The following NDST3 variants were observed in gnomAD, a reference collection of about 807,000 sequenced individuals.
NDST3 encodes N-deacetylase and N-sulfotransferase 3.
A neutral mutation model predicts 96.1 loss-of-function variants in NDST3; 58 were observed. The observed-to-expected ratio is 0.60, with a 90% CI of 0.49 to 0.75. NDST3 has a LOEUF of 0.75. NDST3 is among the 30% of genes least tolerant of loss of function. The probability of loss-of-function intolerance (pLI) is 0.00; values close to 1 mark genes in which losing one functional copy is unlikely to be tolerated. For synonymous variants in NDST3, 333 were observed against 359.7 expected, an observed-to-expected ratio of 0.93 and a Z score of 0.84; for missense variants, 788 against 1,034.2, an observed-to-expected ratio of 0.76 and a Z score of 3.27.
rs1043500414 is a variant in NDST3 at position 118,142,670 on chromosome 4, C to T, written c.1411-886C>T. 2.6e-5 allele frequency among the ~76,000 whole-genome samples: 4 copies of T among 152,092 alleles called. No homozygotes were observed. In the East Asian group the frequency reaches 7.7e-4, roughly 29 times the overall value. On this transcript the variant is annotated intron_variant, in intron 5 of 13. Coordinates refer to ENST00000296499, the MANE Select transcript of NDST3 (RefSeq NM_004784.3). ...CATTTGTAGCTCTCTGAAGTATACT[C>T]ATTAATGTTCTGCTACTTCAAATGT...
intron 2 of NDST3, among the ~76,000 whole-genome samples, chr4:118,086,995 G>A (rs1470870609): frequency 6.6e-6 from 1 of 152,078 alleles, no homozygotes; most frequent in African/African-American, 2.4e-5. Flanking sequence ...TGAATTGAAA[G>A]ATTTGCCTAG....
chr4:118,180,138 T>C (rs11726838), intron 6 of NDST3, among the ~76,000 whole-genome samples: 17,320 of 152,132 alleles, frequency 0.11, 1,324 homozygotes, highest in South Asian at 0.2. Context: ...GGGATATATG[T>C]ACAAGTTTGT....
chr4:118,245,311 T>C (rs1248260090), intron 12 of NDST3, among the ~76,000 whole-genome samples: 2 of 152,234 alleles, frequency 1.3e-5, no homozygotes, highest in African/African-American at 4.8e-5. Flanking sequence ...AGTTAACCTA[T>C]TTGTCAAGAT....
intron 2 of NDST3, among the ~76,000 whole-genome samples, chr4:118,102,132 TTTAA>T (rs1161062100): frequency 6.6e-6 from 1 of 152,090 alleles, no homozygotes; most frequent in Non-Finnish European, 1.5e-5. Context: ...TATTAGTGAT[TTTAA>T]TTATTTTTAA....
rs1038541527 is a variant in NDST3, at chr4:118,233,038, G to C, written c.1846G>C (p.Val616Leu). 6.2e-7 allele frequency: 1 copy of C among 1,613,130 alleles called. No homozygotes were observed. Among genetic ancestry groups the C allele is most frequent in the Non-Finnish European group, 8.5e-7 (1 of 1,179,442 alleles). ...TACCACTGCTTTGTATTTGTTCCTG[G>C]TTATGCATCCTTCCATCCTTAGTAA... ...TGTTALYLFL[V>L]MHPSILSNSP... The change falls in exon 9 of 14, where the codon GTT (valine) becomes CTT (leucine). Residue 616 changes from valine to leucine, a missense_variant. Around this residue, in one of 3 missense-constraint regions of NDST3, gnomAD observed 490 missense variants for 708.8 expected, o/e 0.69. Coordinates refer to ENST00000296499, the MANE Select transcript of NDST3 (RefSeq NM_004784.3).
chr4:118,178,842 C>T (rs1437731240), intron 6 of NDST3, among the ~76,000 whole-genome samples: 2 of 152,038 alleles, frequency 1.3e-5, no homozygotes, highest in Admixed American at 6.6e-5. Context: ...CTTGCCAACA[C>T]ATTATTTCCT....
At chr4:118,108,077 T>C (rs6825105) in intron 3 of NDST3, among the ~76,000 whole-genome samples, 128,700 of 152,152 alleles carry the variant, frequency 0.85, 56,231 homozygotes, top group South Asian at 0.96. Flanking sequence ...CAGGGTAACT[T>C]CCATTTATAA....
intron 6 of NDST3, among the ~76,000 whole-genome samples, chr4:118,164,620 G>A (rs1161530544): frequency 6.6e-6 from 1 of 152,100 alleles, no homozygotes; most frequent in Non-Finnish European, 1.5e-5. Context: ...CTAGGCAGCA[G>A]CAGAAATTAT....
intron 6 of NDST3, among the ~76,000 whole-genome samples, chr4:118,220,894 G>A (rs190055842): frequency 1.3e-5 from 2 of 152,148 alleles, no homozygotes; most frequent in East Asian, 3.9e-4. Flanking sequence ...CAATGGGTTT[G>A]ATAACCTGAG....
intron 6 of NDST3, among the ~76,000 whole-genome samples, chr4:118,180,215 A>C (rs546264119): frequency 1.3e-5 from 2 of 152,202 alleles, no homozygotes; most frequent in South Asian, 4.1e-4. Context: ...GGTACTGAGA[A>C]TAGGACCCAA....
chr4:118,222,030 G>A (rs1739581717), intron 6 of NDST3, among the ~76,000 whole-genome samples: 2 of 149,966 alleles, frequency 1.3e-5, no homozygotes, highest in Admixed American at 1.3e-4. Flanking sequence ...CAGTCCTGAA[G>A]CACTCTTAAA....
chr4:118,060,129 G>A (rs1010263280), intron 2 of NDST3, among the ~76,000 whole-genome samples: 3 of 151,860 alleles, frequency 2.0e-5, no homozygotes, highest in African/African-American at 2.4e-5. Context: ...CTTTTTTGGG[G>A]GGTGAGGGAA....
At chr4:118,249,736 A>ACAC (rs1411828022) in intron 12 of NDST3, among the ~76,000 whole-genome samples, 1 of 151,304 alleles carries the variant, frequency 6.6e-6, no homozygotes, top group Non-Finnish European at 1.5e-5. Flanking sequence ...CCACATACAC[A>ACAC]CACACACACA....
intron 13 of NDST3, among the ~76,000 whole-genome samples, chr4:118,254,658 T>C (rs1217606233): frequency 2.0e-5 from 3 of 152,226 alleles, no homozygotes; most frequent in Non-Finnish European, 4.4e-5. Context: ...GATTTTGATT[T>C]GTAAATTTTT....
At chr4:118,060,015 T>C (rs183527396) in intron 2 of NDST3, among the ~76,000 whole-genome samples, 11 of 152,236 alleles carry the variant, frequency 7.2e-5, no homozygotes, top group Admixed American at 3.9e-4. Flanking sequence ...TATAACTGGA[T>C]ACAGTATGCC....
At position 118,224,492 on chromosome 4, in the gene NDST3, T is replaced by C; in HGVS notation, c.1541T>C (p.Ile514Thr). The change falls in exon 7 of 14, where the codon ATC becomes ACC. Residue 514 changes from isoleucine to threonine, a missense_variant and splice_region_variant. By Grantham distance (89) the Ile-to-Thr change is moderately conservative. This residue lies in a region of NDST3 where 490 missense variants were observed against 708.8 expected (regional missense o/e 0.69). Transcript: ENST00000296499. ...CTGAAGTTCATTTGCTTTTTTCAGA[T>C]CAGCATTTTCATGACCCATTTGTCC... is the stretch of plus-strand genomic sequence containing the variant. ...ELFFTVVLNP[I>T]SIFMTHLSNY... 1 of 1,599,626 alleles carries C rather than the reference T, an allele frequency of 6.3e-7. No homozygotes were observed. The highest frequency in any genetic ancestry group is 2.2e-5 in the East Asian group (1 of 44,542).
intron 1 of NDST3, among the ~76,000 whole-genome samples, chr4:118,045,473 A>G (rs1377899206): frequency 1.3e-5 from 2 of 152,168 alleles, no homozygotes; most frequent in Non-Finnish European, 2.9e-5. Flanking sequence ...CTACCCCATA[A>G]ATGTTTGAAT....
intron 2 of NDST3, among the ~76,000 whole-genome samples, chr4:118,058,935 T>C (rs1446843123): frequency 6.6e-6 from 1 of 152,082 alleles, no homozygotes; most frequent in Non-Finnish European, 1.5e-5. Context: ...CCATTTCATA[T>C]AACATTTATC....
rs1335321247 is a variant in NDST3, at chr4:118,135,867, AT to A, written c.1225-2186del. Among the ~76,000 whole-genome samples, 3 of 152,204 alleles carry A rather than the reference AT, an allele frequency of 2.0e-5. No homozygotes were observed. The East Asian group carries it at 5.8e-4, about 29-fold the overall frequency. ...GTACACCAGCCTGGGAAACAGTGAG[AT>A]CCCGTCTCAATAAATTAACTAATTA... is the stretch of plus-strand genomic sequence containing the variant. On this transcript the variant is annotated intron_variant, in intron 4 of 13. Coordinates refer to ENST00000296499, the MANE Select transcript of NDST3 (RefSeq NM_004784.3).
Sources: allele counts gnomAD v4.1 joint callset (sites outside exome capture counted in the v4.1 genomes callset), GRCh38; gene constraint gnomAD v4.1.1; regional missense constraint gnomAD v4.1.1; transcripts MANE v1.5; gene names NCBI Gene and HGNC (gene_info 2026-07-23, HGNC 2026-07-21).